NR6A1: variants seen among roughly 807,000 people sequenced by gnomAD.
NR6A1 encodes nuclear receptor subfamily 6 group A member 1.
A neutral mutation model predicts 59.1 loss-of-function variants in NR6A1; 7 were observed. The observed-to-expected ratio is 0.12, with a 90% CI of 0.07 to 0.22. The LOEUF (loss-of-function observed/expected upper bound fraction) is 0.22. Ranked by LOEUF, NR6A1 falls within the 10% of genes least tolerant of loss-of-function variation. The pLI is 1.00. For synonymous variants in NR6A1, 243 were observed against 236.1 expected (o/e 1.03, Z -0.27); for missense variants, 468 against 611.6 (o/e 0.77, Z 2.48).
At chr9:124,681,643 C>T (rs1838164236) in intron 2 of NR6A1, among the ~76,000 whole-genome samples, 1 of 152,100 alleles carries the variant, frequency 6.6e-6, no homozygotes, top group Non-Finnish European at 1.5e-5. Flanking sequence ...CTCAGCCCAA[C>T]ATTTGAGCTT....
intron 1 of NR6A1, among the ~76,000 whole-genome samples, chr9:124,757,933 G>C (rs1027534275): frequency 6.6e-6 from 1 of 152,072 alleles, no homozygotes; most frequent in Non-Finnish European, 1.5e-5. Context: ...TTTTTTGATG[G>C]GCACACTGTA....
chr9:124,538,826 T>G (rs570414481), intron 5 of NR6A1, among the ~76,000 whole-genome samples: 33 of 151,902 alleles, frequency 2.2e-4, no homozygotes, highest in Non-Finnish European at 4.0e-4. Flanking sequence ...GATAAAAGCT[T>G]TAATTAAATA....
chr9:124,663,793 T>TA (rs1837520869), intron 2 of NR6A1, among the ~76,000 whole-genome samples: 1 of 152,118 alleles, frequency 6.6e-6, no homozygotes, highest in African/African-American at 2.4e-5. Flanking sequence ...CTTAGAAACA[T>TA]AAATATTGAA....
At position 124,675,127 on chromosome 9, in the gene NR6A1, T is replaced by C. The variant is rs532467940; in HGVS notation, c.142+58181A>G. Among the ~76,000 whole-genome samples the C allele has an allele frequency of 1.1e-3, 175 of 152,310 alleles. 1 individual carries two copies. The highest frequency in any genetic ancestry group is 3.8e-3 in the African/African-American group (159 of 41,568). On this transcript the variant is annotated intron_variant, in intron 2 of 9. Coordinates refer to ENST00000487099, the MANE Select transcript of NR6A1 (RefSeq NM_033334.4). Reference sequence around the variant, plus strand: ...CCCTGGGCAAGTCAGAAGAGGTATCTAAAGACGCAAAAATGCAAGCAAGTA... The same window carrying C: ...CCCTGGGCAAGTCAGAAGAGGTATCCAAAGACGCAAAAATGCAAGCAAGTA...
Position 124,557,945 on chromosome 9 carries a change from C to T in NR6A1, c.143-3375G>A, listed in dbSNP as rs1833976698. 2.0e-5 allele frequency among the ~76,000 whole-genome samples: 3 copies of T among 152,162 alleles called. No individual in the cohort carries two copies. The South Asian group carries it at 6.2e-4, about 32-fold the overall frequency. On this transcript the variant is annotated intron_variant, in intron 2 of 9. Transcript: ENST00000487099. ...TGATACGATTTCACTGAACACCCAC[C>T]ACAACTAGGTAGGCTTTACTTCACT...
In NR6A1 at chr9:124,540,205, G is replaced by C. The variant is rs1433708844; in HGVS notation, c.442-18C>G. 5.6e-6 allele frequency: 9 copies of C among 1,610,352 alleles called. No homozygotes were observed. The highest frequency in any genetic ancestry group is 6.8e-6 in the Non-Finnish European group (8 of 1,178,408). ...TCCGATATCTTTGACAAGGAATTGA[G>C]ACATGTTAGATGGGTGCTCAGGACA... On this transcript the variant is annotated intron_variant, in intron 4 of 9. Coordinates refer to ENST00000487099, the MANE Select transcript of NR6A1 (RefSeq NM_033334.4).
intron 2 of NR6A1, among the ~76,000 whole-genome samples, chr9:124,558,703 G>A (rs557647563): frequency 9.9e-5 from 15 of 152,234 alleles, no homozygotes; most frequent in African/African-American, 3.6e-4. Flanking sequence ...TAGTCATCCA[G>A]CTAGTAAGGG....
chr9:124,523,036 TAACTC>T (rs1434182039), intron 9 of NR6A1, among the ~76,000 whole-genome samples: 4 of 152,162 alleles, frequency 2.6e-5, no homozygotes, highest in African/African-American at 9.7e-5. Flanking sequence ...AGGGAATACT[TAACTC>T]TGTTCTAGGT....
At position 124,528,196 on chromosome 9, in the gene NR6A1, G is replaced by A. The variant is rs568133947; in HGVS notation, c.1080-1296C>T. Reference sequence around the variant, plus strand: ...AGGCTTTGCAGGCTTAGGCTTCCTGGACAAGCAGGACACTTTCTCTTGCTT... The same window carrying A: ...AGGCTTTGCAGGCTTAGGCTTCCTGAACAAGCAGGACACTTTCTCTTGCTT... On this transcript the variant is annotated intron_variant, in intron 7 of 9. Coordinates refer to ENST00000487099, the MANE Select transcript of NR6A1 (RefSeq NM_033334.4). Among the ~76,000 whole-genome samples the A allele has an allele frequency of 1.1e-3, 173 of 152,236 alleles. 1 individual carries two copies. The highest frequency in any genetic ancestry group is 5.6e-3 in the South Asian group (27 of 4,818).
chr9:124,564,526 A>C (rs1201499672), intron 2 of NR6A1, among the ~76,000 whole-genome samples: 1 of 152,248 alleles, frequency 6.6e-6, no homozygotes, highest in Non-Finnish European at 1.5e-5. Flanking sequence ...ATCTCTATGG[A>C]GAAACTGTAA....
intron 2 of NR6A1, among the ~76,000 whole-genome samples, chr9:124,726,718 C>G (rs947037587): frequency 2.0e-5 from 3 of 152,188 alleles, no homozygotes; most frequent in African/African-American, 7.2e-5. Context: ...TCCCAATATA[C>G]AGTAAATACA....
chr9:124,627,349 A>G (rs1031187610), intron 2 of NR6A1, among the ~76,000 whole-genome samples: 2 of 152,168 alleles, frequency 1.3e-5, no homozygotes, highest in African/African-American at 2.4e-5. Context: ...AGTGGCAGTG[A>G]TTAACTAAGA....
chr9:124,524,625 G>A, intron 9 of NR6A1, 96 bp downstream of exon 9: 2 of 1,413,898 alleles, frequency 1.4e-6, no homozygotes, highest in Non-Finnish European at 1.9e-6. Flanking sequence ...TTGGTGATGG[G>A]CTGGAAAGAG....
chr9:124,654,188 T>A (rs1837181919), intron 2 of NR6A1, among the ~76,000 whole-genome samples: 1 of 152,148 alleles, frequency 6.6e-6, no homozygotes, highest in Non-Finnish European at 1.5e-5. Flanking sequence ...TTGGCAAGAT[T>A]CTCAGCTTGG....
At chr9:124,586,469 G>T (rs1221493996) in intron 2 of NR6A1, among the ~76,000 whole-genome samples, 2 of 151,322 alleles carry the variant, frequency 1.3e-5, no homozygotes, top group Non-Finnish European at 2.9e-5. Context: ...TTCAAGACAG[G>T]GTCTCACTCT....
intron 2 of NR6A1, among the ~76,000 whole-genome samples, chr9:124,690,594 G>A (rs968028955): frequency 1.3e-5 from 2 of 151,924 alleles, no homozygotes; most frequent in African/African-American, 4.8e-5. Context: ...GGAGTGCAGT[G>A]GTGGATCACA....
At chr9:124,659,295 G>A (rs1003959863) in intron 2 of NR6A1, among the ~76,000 whole-genome samples, 7 of 152,026 alleles carry the variant, frequency 4.6e-5, no homozygotes, top group Non-Finnish European at 2.9e-5. Flanking sequence ...GCGGGGGGGC[G>A]GGTAGGGACA....
chr9:124,689,888 T>C (rs1464383920), intron 2 of NR6A1, among the ~76,000 whole-genome samples: 1 of 152,182 alleles, frequency 6.6e-6, no homozygotes, highest in African/African-American at 2.4e-5. Flanking sequence ...GGCATCCTCT[T>C]TGTCATCAGT....
At chr9:124,662,379 G>C (rs1306071402) in intron 2 of NR6A1, among the ~76,000 whole-genome samples, 4 of 152,160 alleles carry the variant, frequency 2.6e-5, no homozygotes, top group Admixed American at 1.3e-4. Context: ...TTGCTAGCTA[G>C]ATGATATTAG....
Sources: gnomAD v4.1 joint callset for allele counts (sites outside exome capture counted in the v4.1 genomes callset) on GRCh38, gnomAD v4.1.1 for gene constraint, MANE v1.5 for transcripts, NCBI Gene and HGNC (gene_info 2026-07-23, HGNC 2026-07-21) for gene names.